Variants in VAT1L observed in about 807,000 individuals in gnomAD.
VAT1L encodes putative NADPH-dependent quinone oxidoreductase VAT1L.
Under a neutral mutation model 44.1 loss-of-function variants are expected in VAT1L, and 34 were observed. The ratio of observed to expected loss-of-function variants is 0.77; its 90% CI spans 0.59 to 1.03. The LOEUF is 1.03. Ranked by LOEUF, VAT1L falls within the 50% of genes least tolerant of loss-of-function variation. The pLI is 0.00. For synonymous variants in VAT1L, 253 were observed against 202.2 expected, an observed-to-expected ratio of 1.25 and a Z score of -2.13; for missense variants, 615 against 538.8, an observed-to-expected ratio of 1.14 and a Z score of -1.40.
intron 7 of VAT1L, among the ~76,000 whole-genome samples, chr16:77,909,752 A>G (rs955232721): frequency 2.0e-5 from 3 of 152,016 alleles, no homozygotes; most frequent in African/African-American, 7.2e-5. Context: ...TAAGGGGGCA[A>G]CGGTTCAGAG....
chr16:77,962,176 C>T (rs1248960675), intron 7 of VAT1L, among the ~76,000 whole-genome samples: 2 of 152,132 alleles, frequency 1.3e-5, no homozygotes, highest in Non-Finnish European at 2.9e-5. Context: ...ATGGAGGATC[C>T]CAGCCCGTGG....
intron 7 of VAT1L, among the ~76,000 whole-genome samples, chr16:77,936,871 C>CTTGTTTGT (rs142846091): frequency 0.064 from 9,620 of 150,580 alleles, 478 homozygotes; most frequent in East Asian, 0.16. Context: ...TGTTTGGTTT[C>CTTGTTTGT]TTGTTTGTTT....
At chr16:77,908,750 TA>T (rs2017467512) in intron 7 of VAT1L, among the ~76,000 whole-genome samples, 1 of 151,482 alleles carries the variant, frequency 6.6e-6, no homozygotes, top group Admixed American at 6.6e-5. Context: ...CCGTCTCTAC[TA>T]AAAATACAAA....
chr16:77,811,024 A>G (rs117269761), intron 1 of VAT1L, among the ~76,000 whole-genome samples: 1,611 of 152,302 alleles, frequency 0.011, 9 homozygotes, highest in Non-Finnish European at 0.018. Context: ...TGGGATTTCT[A>G]TTGAGTATAA....
rs148279247 is a variant in VAT1L, at chr16:77,973,224, G to C, written c.1161+1291G>C. On this transcript the variant is annotated intron_variant, in intron 8 of 8. Transcript: ENST00000302536. Reference sequence around the variant, plus strand: ...GCTTTGATCCCCTATCGGTAAAGTGGAGATTGATAAGTTCCCAGTTAGAAT... The same window carrying C: ...GCTTTGATCCCCTATCGGTAAAGTGCAGATTGATAAGTTCCCAGTTAGAAT... 4.3e-3 allele frequency among the ~76,000 whole-genome samples: 649 copies of C among 152,286 alleles called. 7 individuals are homozygous for C. The highest frequency in any genetic ancestry group is 0.015 in the African/African-American group (615 of 41,542).
intron 3 of VAT1L, among the ~76,000 whole-genome samples, chr16:77,848,343 T>C (rs187947112): frequency 1.3e-5 from 2 of 152,128 alleles, no homozygotes; most frequent in East Asian, 3.9e-4. Flanking sequence ...GAGGTTGGAG[T>C]GGATGACTCA....
At chr16:77,835,959 G>A (rs562599399) in intron 3 of VAT1L, among the ~76,000 whole-genome samples, 42 of 152,124 alleles carry the variant, frequency 2.8e-4, no homozygotes, top group Non-Finnish European at 5.7e-4. Context: ...AACAGAGTAT[G>A]AGCTCTAAAG....
chr16:77,935,118 G>A (rs1249194450), intron 7 of VAT1L, among the ~76,000 whole-genome samples: 1 of 152,052 alleles, frequency 6.6e-6, no homozygotes, highest in African/African-American at 2.4e-5. Flanking sequence ...CACTTGGTCT[G>A]GACTTTCTAT....
At chr16:77,844,318 G>C (rs1409662544) in intron 3 of VAT1L, among the ~76,000 whole-genome samples, 1 of 152,156 alleles carries the variant, frequency 6.6e-6, no homozygotes, top group Non-Finnish European at 1.5e-5. Flanking sequence ...TTTACATTGT[G>C]CTAAGTATTA....
chr16:77,923,951 C>T (rs760374186), intron 7 of VAT1L, among the ~76,000 whole-genome samples: 1 of 151,560 alleles, frequency 6.6e-6, no homozygotes, highest in Non-Finnish European at 1.5e-5. Context: ...GTCTGCCTTC[C>T]CCCCCTCCCT....
chr16:77,901,674 T>C (rs551252770), intron 7 of VAT1L, among the ~76,000 whole-genome samples: 5 of 152,252 alleles, frequency 3.3e-5, no homozygotes, highest in Admixed American at 2.0e-4. Flanking sequence ...CTACACCCCA[T>C]GGCAGACATC....
chr16:77,913,559 G>A (rs1209656289), intron 7 of VAT1L, among the ~76,000 whole-genome samples: 1 of 151,718 alleles, frequency 6.6e-6, no homozygotes, highest in African/African-American at 2.4e-5. Flanking sequence ...TGGCTTCTAG[G>A]ATGCCCTTCC....
chr16:77,816,916 T>C lies in VAT1L; in HGVS notation c.234-5T>C, dbSNP rs2145235887. On this transcript the variant is annotated splice_region_variant and splice_polypyrimidine_tract_variant and intron_variant, in intron 1 of 8. Coordinates refer to ENST00000302536, the MANE Select transcript of VAT1L (RefSeq NM_020927.3). ...TTTCTCTCCTTTCACATTTGCTCTT[T>C]ACAGTGGATTAAACTTCATTGACTT... 1 of 1,611,730 alleles carries C rather than the reference T, an allele frequency of 6.2e-7. No individual in the cohort carries two copies. Among genetic ancestry groups the C allele is most frequent in the Non-Finnish European group, 8.5e-7 (1 of 1,179,014 alleles).
rs747419102 is a variant in VAT1L, at chr16:77,977,723, G to A, written c.*28G>A. On this transcript the variant is annotated 3_prime_UTR_variant, in exon 9 of 9. Coordinates refer to ENST00000302536, the MANE Select transcript of VAT1L (RefSeq NM_020927.3). ...GAGGACCCAGGTGGGAGAATGTGAA[G>A]GATGGTTTGGAAGATGAGGACCCGG... 6.2e-7 allele frequency: 1 copy of A among 1,606,368 alleles called. No homozygotes were observed.
intron 7 of VAT1L, among the ~76,000 whole-genome samples, chr16:77,919,788 A>G (rs2017591496): frequency 6.6e-6 from 1 of 152,188 alleles, no homozygotes; most frequent in African/African-American, 2.4e-5. Flanking sequence ...TATCTCATTT[A>G]TCTAAAAAAC....
In VAT1L at chr16:77,955,728, C is replaced by A. The variant is rs369820827; in HGVS notation, c.1078-16122C>A. ...TGACAGAGGCTCCATATCCCCCCCC[C>A]CAAAAAAAAAAAAAGAGAGAGAATG... On this transcript the variant is annotated intron_variant, in intron 7 of 8. Coordinates refer to ENST00000302536, the MANE Select transcript of VAT1L (RefSeq NM_020927.3). 9.9e-3 allele frequency among the ~76,000 whole-genome samples: 995 copies of A among 100,004 alleles called. 26 individuals carry two copies. Among genetic ancestry groups the A allele is most frequent in the African/African-American group, 0.032 (936 of 29,528 alleles). 65.6% of individuals were successfully genotyped at this position (100,004 alleles called of 152,430 possible).
chr16:77,936,553 C>T (rs1032199991), intron 7 of VAT1L, among the ~76,000 whole-genome samples: 1 of 151,852 alleles, frequency 6.6e-6, no homozygotes, highest in Non-Finnish European at 1.5e-5. Flanking sequence ...GCAGACGATT[C>T]GAAGAGTGAG....
rs750071457 is a variant in VAT1L, at chr16:77,977,549, C to T, written c.1162-48C>T. ...GACTCTGTCAGATGCTCAGAGATGA[C>T]GAGGCTGGGTTGCACAACCCTCAAT... On this transcript the variant is annotated intron_variant, in intron 8 of 8. Transcript: ENST00000302536. The T allele has an allele frequency of 1.4e-5, 22 of 1,585,204 alleles. No individual in the cohort carries two copies. In the Admixed American group the frequency reaches 1.5e-4, roughly 11 times the overall value.
At chr16:77,933,415 A>T (rs993186005) in intron 7 of VAT1L, among the ~76,000 whole-genome samples, 1 of 152,234 alleles carries the variant, frequency 6.6e-6, no homozygotes, top group African/African-American at 2.4e-5. Flanking sequence ...AATATTCATT[A>T]AACACCTACC....
Sources: allele counts gnomAD v4.1 joint callset (sites outside exome capture counted in the v4.1 genomes callset), GRCh38; gene constraint gnomAD v4.1.1; transcripts MANE v1.5; gene names NCBI Gene and HGNC (gene_info 2026-07-23, HGNC 2026-07-21).